Variants in LUZP2 observed in about 807,000 individuals in gnomAD.
The protein encoded by LUZP2 is leucine zipper protein 2.
A neutral mutation model predicts 51.6 loss-of-function variants in LUZP2; 52 were observed. The ratio of observed to expected loss-of-function variants is 1.01; its 90% CI spans 0.81 to 1.27. The LOEUF (loss-of-function observed/expected upper bound fraction) is 1.27, where lower values mean the gene tolerates loss of function less well. LUZP2 is among the 50% of genes most tolerant of loss of function. The pLI is 0.00. For missense variants in LUZP2, 436 were observed against 395.4 expected (o/e 1.10, Z -0.87); for synonymous variants, 154 against 137.3 (o/e 1.12, Z -0.85).
intron 1 of LUZP2, among the ~76,000 whole-genome samples, chr11:24,591,978 T>C (rs548693990): frequency 6.6e-6 from 1 of 152,314 alleles, no homozygotes; most frequent in South Asian, 2.1e-4. Context: ...AGGATGACTT[T>C]CCTGTAATAG....
intron 5 of LUZP2, among the ~76,000 whole-genome samples, chr11:24,895,601 A>G (rs530501621): frequency 2.0e-4 from 31 of 152,296 alleles, no homozygotes; most frequent in African/African-American, 7.2e-4. Flanking sequence ...TTTATAAGTG[A>G]GAATATGTGG....
At chr11:25,033,897 C>T (rs1336422911) in intron 9 of LUZP2, among the ~76,000 whole-genome samples, 1 of 152,000 alleles carries the variant, frequency 6.6e-6, no homozygotes, top group African/African-American at 2.4e-5. Context: ...ATAGGAGTAC[C>T]TGTGTCTTTT....
At chr11:24,823,256 T>C (rs536261502) in intron 5 of LUZP2, among the ~76,000 whole-genome samples, 3 of 152,100 alleles carry the variant, frequency 2.0e-5, no homozygotes, top group South Asian at 2.1e-4. Context: ...ATATTGAAAT[T>C]TGTGGAATGA....
At chr11:24,818,351 C>G (rs147370712) in intron 5 of LUZP2, among the ~76,000 whole-genome samples, 16 of 152,118 alleles carry the variant, frequency 1.1e-4, no homozygotes, top group Non-Finnish European at 2.2e-4. Context: ...TTGAAAACTG[C>G]TGGGCATATT....
intron 5 of LUZP2, among the ~76,000 whole-genome samples, chr11:24,845,607 TC>T (rs1285954249): frequency 6.6e-6 from 1 of 152,162 alleles, no homozygotes; most frequent in Non-Finnish European, 1.5e-5. Flanking sequence ...CTCCCACAAT[TC>T]CCATGTGTCA....
intron 5 of LUZP2, among the ~76,000 whole-genome samples, chr11:24,856,482 GA>G (rs1163095956): frequency 6.6e-6 from 1 of 152,022 alleles, no homozygotes; most frequent in Non-Finnish European, 1.5e-5. Context: ...CTTTTATTGA[GA>G]ATGTAAATTA....
chr11:24,868,892 T>C, intron 5 of LUZP2, among the ~76,000 whole-genome samples: 1 of 152,170 alleles, frequency 6.6e-6, no homozygotes, highest in African/African-American at 2.4e-5. Context: ...GATCAAAGCT[T>C]CTTCCTATAT....
At chr11:24,563,195 G>A (rs139841088) in intron 1 of LUZP2, among the ~76,000 whole-genome samples, 145 of 152,242 alleles carry the variant, frequency 9.5e-4, no homozygotes, top group African/African-American at 3.4e-3. Context: ...ATTTGAAACT[G>A]GGAATCATTA....
chr11:24,643,446 A>C (rs1855369720), intron 1 of LUZP2, among the ~76,000 whole-genome samples: 1 of 152,042 alleles, frequency 6.6e-6, no homozygotes, highest in Non-Finnish European at 1.5e-5. Flanking sequence ...ACTAGGAGTC[A>C]ATTCTTTCCA....
intron 5 of LUZP2, among the ~76,000 whole-genome samples, chr11:24,770,489 C>T (rs1362560662): frequency 6.6e-6 from 1 of 152,002 alleles, no homozygotes; most frequent in African/African-American, 2.4e-5. Context: ...GTTATATGGA[C>T]CATATAGTTT....
chr11:25,037,224 G>T (rs1857894541), intron 9 of LUZP2, among the ~76,000 whole-genome samples: 1 of 152,036 alleles, frequency 6.6e-6, no homozygotes, highest in Non-Finnish European at 1.5e-5. Context: ...AATTGTCCTT[G>T]TTAATTATTA....
chr11:24,891,180 T>A, intron 5 of LUZP2: 1 of 985,014 alleles, frequency 1.0e-6, no homozygotes, highest in Non-Finnish European at 1.2e-6. Flanking sequence ...CAGTATCTAA[T>A]GTGAGCTAGA....
chr11:24,611,280 G>A lies in LUZP2; in HGVS notation c.62+113975G>A, dbSNP rs1336005983. ...CTCAAGCAACTCAAAGCTTAAGGGAGCAAAATAATAACAAAAATGCTTCTA... is the reference window on the plus strand; with the variant it reads ...CTCAAGCAACTCAAAGCTTAAGGGAACAAAATAATAACAAAAATGCTTCTA... On this transcript the variant is annotated intron_variant, in intron 1 of 11. Coordinates refer to ENST00000336930, the MANE Select transcript of LUZP2 (RefSeq NM_001009909.4). This position sits in a 1 kb window ranked among gnomAD's most constrained non-coding sequence, Gnocchi z 4.6. Among the ~76,000 whole-genome samples, 5 of 152,006 alleles carry A rather than the reference G, an allele frequency of 3.3e-5. No homozygotes were observed. Among genetic ancestry groups the A allele is most frequent in the African/African-American group, 9.7e-5 (4 of 41,392 alleles).
intron 7 of LUZP2, among the ~76,000 whole-genome samples, chr11:24,916,001 T>C (rs1403479639): frequency 6.6e-6 from 1 of 152,002 alleles, no homozygotes; most frequent in African/African-American, 2.4e-5. Context: ...ATTTTTTATT[T>C]ATTTATTTTT....
At chr11:25,024,725 G>A (rs1857434007) in intron 9 of LUZP2, among the ~76,000 whole-genome samples, 1 of 151,578 alleles carries the variant, frequency 6.6e-6, no homozygotes, top group Non-Finnish European at 1.5e-5. Context: ...ACTGCCCAAG[G>A]TAATTTATAG....
At position 24,934,815 on chromosome 11, in the gene LUZP2, A is replaced by C. The variant is rs182211056; in HGVS notation, c.522+20277A>C. ...AAACTCTTTCTCATTCTCATATTTG[A>C]AGTAGCTCCTAAAAGTCTGTCAGAG... On this transcript the variant is annotated intron_variant, in intron 7 of 11. Transcript: ENST00000336930. Among the ~76,000 whole-genome samples the C allele has an allele frequency of 3.8e-3, 576 of 152,236 alleles. 2 individuals carry two copies. Among genetic ancestry groups the C allele is most frequent in the African/African-American group, 0.013 (535 of 41,530 alleles).
chr11:24,774,974 T>C (rs571960979), intron 5 of LUZP2, among the ~76,000 whole-genome samples: 34 of 151,290 alleles, frequency 2.2e-4, no homozygotes, highest in African/African-American at 7.5e-4. Flanking sequence ...TCTGGCTACC[T>C]ACCTACTCTA....
intron 8 of LUZP2, among the ~76,000 whole-genome samples, chr11:24,981,906 T>G (rs2133912435): frequency 6.9e-6 from 1 of 145,862 alleles, no homozygotes; most frequent in South Asian, 2.2e-4. Flanking sequence ...ATTTAAATTT[T>G]TAAGAGAAAA....
intron 5 of LUZP2, among the ~76,000 whole-genome samples, chr11:24,876,382 A>C (rs1463955596): frequency 6.7e-6 from 1 of 149,982 alleles, no homozygotes; most frequent in Non-Finnish European, 1.5e-5. Flanking sequence ...TGTTTTTCTC[A>C]GGTTTGTCAA....
Sources: allele counts gnomAD v4.1 joint callset (sites outside exome capture counted in the v4.1 genomes callset), GRCh38; gene constraint gnomAD v4.1.1; non-coding constraint Gnocchi (gnomAD v3.1); transcripts MANE v1.5; gene names NCBI Gene and HGNC (gene_info 2026-07-23, HGNC 2026-07-21).